The following HKDC1 variants were observed in gnomAD, a reference collection of about 807,000 sequenced individuals.
HKDC1 encodes hexokinase domain containing 1, also known as hexokinase HKDC1.
Under a neutral mutation model 96.6 loss-of-function variants are expected in HKDC1, and 66 were observed. The observed-to-expected ratio is 0.68, with a 90% CI of 0.56 to 0.84. HKDC1 has a LOEUF of 0.84. Among genes scored for constraint, HKDC1 ranks in the 40% least tolerant of loss-of-function variants. The pLI, the probability that HKDC1 is intolerant of heterozygous loss-of-function variation, is 0.00. For missense variants in HKDC1, 1,211 were observed against 1,208.1 expected, an observed-to-expected ratio of 1.00 and a Z score of -0.04; for synonymous variants, 466 against 473.1, an observed-to-expected ratio of 0.98 and a Z score of 0.20.
chr10:69,257,433 G>A lies in HKDC1; in HGVS notation c.2032+7G>A. ...GAGATTGGCCTGATTGCAGGTAGGT[G>A]GTCAGGCATGGCCCATTGGCCTAAT... On this transcript the variant is annotated splice_region_variant and intron_variant, in intron 14 of 17. Transcript: ENST00000354624. 6.3e-7 allele frequency: 1 copy of A among 1,588,182 alleles called. No individual in the cohort carries two copies.
chr10:69,250,176 T>G, intron 10 of HKDC1, 114 bp from the exon 11 acceptor site: 26 of 1,196,552 alleles, frequency 2.2e-5, no homozygotes, highest in Non-Finnish European at 3.1e-5. Context: ...CTCTGGTCTA[T>G]GAGGCCCAGG....
intron 5 of HKDC1, 52 bp downstream of exon 5, chr10:69,239,189 C>A: frequency 6.9e-7 from 1 of 1,438,884 alleles, no homozygotes; most frequent in South Asian, 1.2e-5. Context: ...GCTCCTTTCT[C>A]TTGGGTTGGT....
At chr10:69,243,067 G>C in intron 6 of HKDC1, 115 bp from the exon 7 acceptor site, 1 of 1,034,016 alleles carries the variant, frequency 9.7e-7, no homozygotes, top group Non-Finnish European at 1.5e-6. Context: ...CAGCCCCCAG[G>C]GAATGAAAAG....
Position 69,246,227 on chromosome 10 carries a change from A to G in HKDC1, c.1024A>G (p.Met342Val), listed in dbSNP as rs1421322369. ...GKIETRHVAA[M>V]EKYKEGLANT... ...GATCGAAACACGGCACGTGGCTGCC[A>G]TGGAGAAGTAAGCAAGTCCCTCTGC... The change falls in exon 8 of 18, where the codon ATG becomes GTG. Residue 342 changes from methionine (M) to valine (V), a missense_variant. Coordinates refer to ENST00000354624, the MANE Select transcript of HKDC1 (RefSeq NM_025130.4). 2 of 1,613,754 alleles carry G rather than the reference A, an allele frequency of 1.2e-6. No individual in the cohort carries two copies. Among genetic ancestry groups the G allele is most frequent in the Non-Finnish European group, 1.7e-6 (2 of 1,179,954 alleles).
intron 9 of HKDC1, among the ~76,000 whole-genome samples, 172 bp from the exon 10 acceptor site, chr10:69,248,252 A>G (rs1843574648): frequency 6.6e-6 from 1 of 152,118 alleles, no homozygotes; most frequent in Non-Finnish European, 1.5e-5. Context: ...CCACTGCCCC[A>G]GCTTCTTAGT....
intron 6 of HKDC1, among the ~76,000 whole-genome samples, chr10:69,241,967 G>A (rs1338592804): frequency 1.3e-5 from 2 of 152,192 alleles, no homozygotes; most frequent in African/African-American, 4.8e-5. Flanking sequence ...CCACACCAGA[G>A]CGAGGGGGTC....
intron 14 of HKDC1, among the ~76,000 whole-genome samples, chr10:69,257,649 G>A (rs1843739986): frequency 6.6e-6 from 1 of 151,556 alleles, no homozygotes; most frequent in Non-Finnish European, 1.5e-5. Flanking sequence ...ACAGGAAGAA[G>A]AGATTTTTAA....
At chr10:69,263,388 C>A (rs1012537310) in intron 16 of HKDC1, among the ~76,000 whole-genome samples, 1 of 152,074 alleles carries the variant, frequency 6.6e-6, no homozygotes. Context: ...CATGAGCCAC[C>A]GCGCCTGGCC....
At chr10:69,231,493 C>G (rs1182141321) in intron 2 of HKDC1, among the ~76,000 whole-genome samples, 2 of 152,142 alleles carry the variant, frequency 1.3e-5, no homozygotes, top group Non-Finnish European at 2.9e-5. Flanking sequence ...GACCCCCGCT[C>G]CCGGCAGCCT....
intron 14 of HKDC1, among the ~76,000 whole-genome samples, chr10:69,258,427 G>A (rs1417117900): frequency 6.6e-6 from 1 of 152,060 alleles, no homozygotes; most frequent in African/African-American, 2.4e-5. Context: ...CTAATTTTAC[G>A]ACTGCTTGGA....
At chr10:69,248,349 T>A in intron 9 of HKDC1, 75 bp from the exon 10 acceptor site, 2 of 1,457,196 alleles carry the variant, frequency 1.4e-6, no homozygotes, top group Non-Finnish European at 1.8e-6. Flanking sequence ...GGACTGGGTT[T>A]ACTGCTGCCC....
intron 1 of HKDC1, among the ~76,000 whole-genome samples, chr10:69,223,578 ATTTTTTT>A (rs60016100): frequency 1.1e-4 from 9 of 85,580 alleles, no homozygotes; most frequent in East Asian, 3.4e-4. Flanking sequence ...CCACAATCTA[ATTTTTTT>A]TTTTTTTTTT....
At chr10:69,243,499 CT>C (rs5785905) in intron 7 of HKDC1, 134 bp downstream of exon 7, 106,321 of 510,732 alleles carry the variant, frequency 0.21, 3,222 homozygotes, top group Non-Finnish European at 0.24. Context: ...TTTCTTTTTC[CT>C]TTTTTTTTTT....
chr10:69,249,817 A>C (rs570431529), intron 10 of HKDC1, among the ~76,000 whole-genome samples: 1 of 152,302 alleles, frequency 6.6e-6, no homozygotes, highest in African/African-American at 2.4e-5. Flanking sequence ...CTTGAGTATA[A>C]GAATCATGCA....
intron 10 of HKDC1, 95 bp from the exon 11 acceptor site, chr10:69,250,195 C>T (rs1395514740): frequency 7.3e-7 from 1 of 1,371,204 alleles, no homozygotes; most frequent in African/African-American, 1.4e-5. Flanking sequence ...GGAGTGCAGG[C>T]CCTGGGTCCG....
chr10:69,240,866 G>A, intron 6 of HKDC1, 115 bp downstream of exon 6: 1 of 678,060 alleles, frequency 1.5e-6, no homozygotes, highest in South Asian at 1.7e-5. Flanking sequence ...TTTAGGAGAA[G>A]CAACATAGGG....
chr10:69,246,815 G>T (rs755293056), intron 8 of HKDC1, among the ~76,000 whole-genome samples: 25 of 151,924 alleles, frequency 1.6e-4, no homozygotes, highest in South Asian at 4.1e-4. Flanking sequence ...GCACATCTGA[G>T]GGTCCTGCTC....
intron 6 of HKDC1, among the ~76,000 whole-genome samples, chr10:69,241,366 T>G (rs991945413): frequency 6.6e-6 from 1 of 152,080 alleles, no homozygotes; most frequent in Non-Finnish European, 1.5e-5. Flanking sequence ...GAGGACAGAC[T>G]GGGCAGATTG....
At position 69,265,172 on chromosome 10, in the gene HKDC1, C is replaced by T. The variant is rs114778683; in HGVS notation, c.2373-413C>T. On this transcript the variant is annotated intron_variant, in intron 16 of 17. Transcript: ENST00000354624. ...GGGGGCCAGAGTGTGGGAGCTGGCACGATTTGTGGGAAAGTGCGAGAGGTG... is the reference window on the plus strand; with the variant it reads ...GGGGGCCAGAGTGTGGGAGCTGGCATGATTTGTGGGAAAGTGCGAGAGGTG... 3.9e-3 allele frequency among the ~76,000 whole-genome samples: 595 copies of T among 152,112 alleles called. 1 individual carries two copies. The highest frequency in any genetic ancestry group is 0.014 in the African/African-American group (563 of 41,496).
Sources: allele counts gnomAD v4.1 joint callset (sites outside exome capture counted in the v4.1 genomes callset), GRCh38; gene constraint gnomAD v4.1.1; transcripts MANE v1.5; gene names NCBI Gene and HGNC (gene_info 2026-07-23, HGNC 2026-07-21).